Variants in ULK1 observed in about 807,000 individuals in gnomAD.
ULK1 encodes the protein serine/threonine-protein kinase ULK1.
ULK1 carries 48 observed loss-of-function variants against 117.5 expected under a neutral mutation model. That is an observed-to-expected ratio of 0.41 (90% CI 0.32 to 0.52). The LOEUF is 0.52. Ranked by LOEUF, ULK1 falls within the 20% of genes least tolerant of loss-of-function variation. The pLI, the probability that ULK1 is intolerant of heterozygous loss-of-function variation, is 0.29. For missense variants in ULK1, 1,387 were observed against 1,473.4 expected (o/e 0.94, Z 0.96); for synonymous variants, 790 against 637.8 (o/e 1.24, Z -3.60).
At chr12:131,909,693 C>G (rs1889440991) in intron 8 of ULK1, 82 bp from the exon 9 acceptor site, 10 of 1,392,536 alleles carry the variant, frequency 7.2e-6, no homozygotes, top group Admixed American at 2.7e-5. Context: ...CAGGGGCCGA[C>G]TGGGGACGAA....
At chr12:131,913,910 C>T (rs2136399346) in intron 15 of ULK1, 74 bp downstream of exon 15, 5 of 1,285,052 alleles carry the variant, frequency 3.9e-6, no homozygotes, top group Admixed American at 3.5e-5. Flanking sequence ...TCCTGTGTGT[C>T]GCAGCCAGCC....
intron 3 of ULK1, 109 bp from the exon 4 acceptor site, chr12:131,906,783 A>C (rs1889293850): frequency 7.2e-7 from 1 of 1,388,882 alleles, no homozygotes; most frequent in Non-Finnish European, 1.0e-6. Flanking sequence ...TGACCAGCTA[A>C]GTCCTGGCAC....
rs759710578 is a variant in ULK1 at position 131,895,049 on chromosome 12, C to T, written c.48C>T (p.Phe16=). ...CAGAGACCGTGGGCAAGTTCGAGTTCTCCCGCAAGGACCTGATCGGCCACG... is the reference window on the plus strand; with the variant it reads ...CAGAGACCGTGGGCAAGTTCGAGTTTTCCCGCAAGGACCTGATCGGCCACG... The part of the protein sequence containing the change: ...GGTETVGKFE[F]SRKDLIGHGA... The change falls in exon 1 of 28, where the codon TTC becomes TTT. Residue 16 remains phenylalanine, a synonymous_variant. Coordinates refer to ENST00000321867, the MANE Select transcript of ULK1 (RefSeq NM_003565.4). 1 of 1,578,078 alleles carries T rather than the reference C, an allele frequency of 6.3e-7. No homozygotes were observed. The highest frequency in any genetic ancestry group is 8.6e-7 in the Non-Finnish European group (1 of 1,168,436).
At chr12:131,911,211 C>T (rs1203821473) in intron 12 of ULK1, among the ~76,000 whole-genome samples, 1 of 152,180 alleles carries the variant, frequency 6.6e-6, no homozygotes, top group African/African-American at 2.4e-5. Flanking sequence ...GTCTGCAGAG[C>T]ACCTGAGTCG....
chr12:131,917,692 CCT>C, intron 22 of ULK1, 138 bp downstream of exon 22: 1 of 875,160 alleles, frequency 1.1e-6, no homozygotes, highest in Non-Finnish European at 1.5e-6. Flanking sequence ...AGCTCAGGCC[CCT>C]GAGAAACCCC....
chr12:131,914,087 G>T (rs1297119416), intron 15 of ULK1, among the ~76,000 whole-genome samples: 1 of 152,308 alleles, frequency 6.6e-6, no homozygotes, highest in East Asian at 1.9e-4. Context: ...GAGCCTGTAG[G>T]GCCAGGAATG....
chr12:131,906,756 G>A (rs1414358447), intron 3 of ULK1, 136 bp from the exon 4 acceptor site: 27 of 1,069,780 alleles, frequency 2.5e-5, no homozygotes, highest in Admixed American at 3.7e-5. Context: ...AGATGTCCTC[G>A]TCTCCCGGCC....
Position 131,906,885 on chromosome 12 carries a change from C to A in ULK1, c.247-7C>A. 1 of 1,614,098 alleles carries A rather than the reference C, an allele frequency of 6.2e-7. No homozygotes were observed. Among genetic ancestry groups the A allele is most frequent in the Non-Finnish European group, 8.5e-7 (1 of 1,180,010 alleles). On this transcript the variant is annotated splice_region_variant and splice_polypyrimidine_tract_variant and intron_variant, in intron 3 of 27. Coordinates refer to ENST00000321867, the MANE Select transcript of ULK1 (RefSeq NM_003565.4). ...GGACCTCTCACAGCCTCTTTTCTGT[C>A]TTGCAGGAAATGGCTAATTCTGTCT...
chr12:131,908,434 C>T (rs542517773), intron 5 of ULK1, among the ~76,000 whole-genome samples: 88 of 152,124 alleles, frequency 5.8e-4, no homozygotes, highest in Admixed American at 1.1e-3. Flanking sequence ...GTGGTGGGGC[C>T]GGCGCGCCGG....
chr12:131,911,877 G>GAATTTGCTCCC, intron 12 of ULK1, 65 bp from the exon 13 acceptor site: 1 of 1,610,018 alleles, frequency 6.2e-7, no homozygotes, highest in Non-Finnish European at 8.5e-7. Flanking sequence ...CCAGGAGGGG[G>GAATTTGCTCCC]AATTTGCTCC....
At chr12:131,914,088 G>A (rs1889665841) in intron 15 of ULK1, among the ~76,000 whole-genome samples, 1 of 152,260 alleles carries the variant, frequency 6.6e-6, no homozygotes, top group Non-Finnish European at 1.5e-5. Context: ...AGCCTGTAGG[G>A]CCAGGAATGG....
rs1363582081 is a variant in ULK1, at chr12:131,895,636, CAAG to C, written c.153_155del (p.Lys51del). On this transcript the variant is annotated inframe_deletion, in exon 2 of 28. Transcript: ENST00000321867. ...TGGAGGTCGCCGTCAAGTGCATTAA[CAAG>C]AAGAACCTCGCCAAGTCTCAGACGC... The C allele has an allele frequency of 3.7e-6, 6 of 1,614,074 alleles. No individual in the cohort carries two copies. Among genetic ancestry groups the C allele is most frequent in the Non-Finnish European group, 5.1e-6 (6 of 1,180,008 alleles).
At chr12:131,896,243 G>A (rs1436119779) in intron 3 of ULK1, among the ~76,000 whole-genome samples, 4 of 152,188 alleles carry the variant, frequency 2.6e-5, no homozygotes, top group Admixed American at 6.5e-5. Flanking sequence ...CGGGGCGGGG[G>A]AGGGGCCGCC....
Position 131,895,603 on chromosome 12 carries a change from G to C in ULK1, c.114G>C (p.Lys38Asn), listed in dbSNP as rs1276563338. Residue 38 changes from lysine (K) to asparagine (N), a missense_variant and splice_region_variant, in exon 2 of 28, where the codon AAG becomes AAC. By Grantham distance (94) the Lys-to-Asn change is moderately conservative. This residue lies in a region of ULK1 where 224 missense variants were observed against 325.2 expected (regional missense o/e 0.69). Coordinates refer to ENST00000321867, the MANE Select transcript of ULK1 (RefSeq NM_003565.4). ...GAAGGTGCACGTTTGGCTTTCAGAAGCACGATTTGGAGGTCGCCGTCAAGT... is the reference window on the plus strand; with the variant it reads ...GAAGGTGCACGTTTGGCTTTCAGAACCACGATTTGGAGGTCGCCGTCAAGT... Reference protein sequence around the residue: ...AVVFKGRHREKHDLEVAVKCI... With the variant: ...AVVFKGRHRENHDLEVAVKCI... 1.2e-6 allele frequency: 2 copies of C among 1,613,800 alleles called. No individual in the cohort carries two copies.
intron 3 of ULK1, among the ~76,000 whole-genome samples, chr12:131,901,788 A>G (rs1318178626): frequency 4.7e-5 from 7 of 150,530 alleles, no homozygotes. Context: ...GCTGCTGGGA[A>G]CAGTTTTTAC....
At chr12:131,908,299 C>G (rs779223206) in intron 5 of ULK1, among the ~76,000 whole-genome samples, 5 of 152,152 alleles carry the variant, frequency 3.3e-5, no homozygotes, top group Non-Finnish European at 7.4e-5. Flanking sequence ...TCGGGCTGTG[C>G]GCGGCTGGCA....
At chr12:131,896,343 G>A (rs1234784923) in intron 3 of ULK1, among the ~76,000 whole-genome samples, 1 of 152,176 alleles carries the variant, frequency 6.6e-6, no homozygotes, top group Non-Finnish European at 1.5e-5. Flanking sequence ...GGCCCGGCTG[G>A]CCCCAAGAAG....
chr12:131,919,069 C>T lies in ULK1; in HGVS notation c.2512-143C>T, dbSNP rs1251506866. ...GGTGCAGGGTGTGTGGGGTGTCGGG[C>T]GTGGCACATCCCAGCTGCCCGGGCT... On this transcript the variant is annotated intron_variant, in intron 23 of 27. Coordinates refer to ENST00000321867, the MANE Select transcript of ULK1 (RefSeq NM_003565.4). The T allele has an allele frequency of 5.2e-5, 44 of 844,774 alleles. 1 individual carries two copies. Among genetic ancestry groups the T allele is most frequent in the South Asian group, 1.3e-4 (7 of 55,486 alleles). The allele number at this position is 844,774 out of a possible 1,614,324, so 52.3% of individuals were successfully genotyped here.
At chr12:131,916,917 G>T in intron 20 of ULK1, 36 bp from the exon 21 acceptor site, 1 of 1,563,724 alleles carries the variant, frequency 6.4e-7, no homozygotes. Flanking sequence ...GGTGGGGTGG[G>T]CCGGGCACCC....
Sources: gnomAD v4.1 joint callset for allele counts (sites outside exome capture counted in the v4.1 genomes callset) on GRCh38, gnomAD v4.1.1 for gene constraint, gnomAD v4.1.1 regional missense constraint, MANE v1.5 for transcripts, NCBI Gene and HGNC (gene_info 2026-07-23, HGNC 2026-07-21) for gene names.